FAT3: variants seen among roughly 807,000 people sequenced by gnomAD.
The protein encoded by FAT3 is protocadherin Fat 3.
In FAT3, 95 loss-of-function variants were observed where a neutral mutation model predicts 310.2. That is an observed-to-expected ratio of 0.31 (90% CI 0.26 to 0.36). The LOEUF is 0.36. Among genes scored for constraint, FAT3 ranks in the 10% least tolerant of loss-of-function variants. The pLI is 1.00. For missense variants in FAT3, 5,408 were observed against 5,715.6 expected, an observed-to-expected ratio of 0.95 and a Z score of 1.74; for synonymous variants, 2,314 against 2,192.9, an observed-to-expected ratio of 1.06 and a Z score of -1.54.
At chr11:92,855,974 A>G (rs1034888328) in intron 19 of FAT3, among the ~76,000 whole-genome samples, 1 of 137,280 alleles carries the variant, frequency 7.3e-6, no homozygotes, top group Non-Finnish European at 1.5e-5. Context: ...ACCTTGGGAC[A>G]ATATGCTTTT....
At chr11:92,869,483 AG>A (rs1949333381) in intron 22 of FAT3, among the ~76,000 whole-genome samples, 1 of 152,210 alleles carries the variant, frequency 6.6e-6, no homozygotes, top group Non-Finnish European at 1.5e-5. Flanking sequence ...CTGATGTGTG[AG>A]GGGGTATCTA....
chr11:92,791,481 T>A lies in FAT3; in HGVS notation c.4611+1263T>A, dbSNP rs771951751. ...GTGCTAGTGACTAACTCCATTCTCA[T>A]GATTCTTTAAGTCATTTCTGTTCAT... On this transcript the variant is annotated intron_variant, in intron 8 of 27. Coordinates refer to ENST00000525166, the MANE Select transcript of FAT3 (RefSeq NM_001367949.2). Among the ~76,000 whole-genome samples, 3 of 152,342 alleles carry A rather than the reference T, an allele frequency of 2.0e-5. No homozygotes were observed. In the South Asian group the frequency reaches 6.2e-4, roughly 32 times the overall value.
chr11:92,350,589 G>A (rs1159535287), intron 1 of FAT3, among the ~76,000 whole-genome samples: 1 of 152,018 alleles, frequency 6.6e-6, no homozygotes, highest in African/African-American at 2.4e-5. Context: ...GAAAAGCATG[G>A]ATTTTAGAGA....
chr11:92,732,357 A>T (rs1217213197), intron 4 of FAT3, among the ~76,000 whole-genome samples: 3 of 152,192 alleles, frequency 2.0e-5, no homozygotes, highest in Non-Finnish European at 4.4e-5. Context: ...TGAGGTTTGA[A>T]CAGGCATTTT....
intron 3 of FAT3, among the ~76,000 whole-genome samples, chr11:92,644,228 C>T (rs1205958395): frequency 6.6e-6 from 1 of 152,212 alleles, no homozygotes; most frequent in Non-Finnish European, 1.5e-5. Context: ...CTCCCTAGTG[C>T]CAAGTACCCT....
At chr11:92,566,475 A>G (rs1955450157) in intron 3 of FAT3, among the ~76,000 whole-genome samples, 1 of 152,034 alleles carries the variant, frequency 6.6e-6, no homozygotes, top group African/African-American at 2.4e-5. Flanking sequence ...GGTAATTTAT[A>G]GATTCAATGC....
chr11:92,827,054 C>G (rs930797949), intron 13 of FAT3, among the ~76,000 whole-genome samples: 10 of 152,192 alleles, frequency 6.6e-5, no homozygotes, highest in African/African-American at 2.2e-4. Flanking sequence ...ACACCTTTAG[C>G]AATCTCAGAT....
intron 2 of FAT3, among the ~76,000 whole-genome samples, chr11:92,391,174 G>T (rs1044177546): frequency 5.3e-5 from 8 of 152,148 alleles, no homozygotes; most frequent in African/African-American, 1.9e-4. Flanking sequence ...AGACAAAATT[G>T]TGTGCTTGTT....
At chr11:92,581,317 C>G (rs1938785840) in intron 3 of FAT3, among the ~76,000 whole-genome samples, 1 of 152,022 alleles carries the variant, frequency 6.6e-6, no homozygotes, top group South Asian at 2.1e-4. Context: ...TCTGCCATGT[C>G]CTGTCCAACG....
Position 92,844,656 on chromosome 11 carries a change from G to A in FAT3, c.11289G>A (p.Ala3763=), listed in dbSNP as rs373765265. 6.2e-6 allele frequency: 10 copies of A among 1,607,796 alleles called. No individual in the cohort carries two copies. Among genetic ancestry groups the A allele is most frequent in the Admixed American group, 3.4e-5 (2 of 59,228 alleles). Residue 3763 remains alanine, a synonymous_variant, in exon 19 of 28, where the codon GCG becomes GCA. Coordinates refer to ENST00000525166, the MANE Select transcript of FAT3 (RefSeq NM_001367949.2). ...AAGGCTTGTCACTCGATTCCCACGC[G>A]CTCATGACCTACAGCACGGCTCGCA... The part of the protein sequence containing the change: ...CEQGLSLDSH[A]LMTYSTARIS...
Position 92,353,326 on chromosome 11 carries a change from T to A in FAT3, c.1214T>A (p.Ile405Lys), listed in dbSNP as rs756653928. 3.7e-6 allele frequency: 6 copies of A among 1,613,564 alleles called. No individual in the cohort carries two copies. In the South Asian group the frequency reaches 6.6e-5, roughly 18 times the overall value. ...VAIVKLSPEPIDVEYKLSPGE... is the reference protein window; with the variant it reads ...VAIVKLSPEPKDVEYKLSPGE... ...ATAGTAAAATTAAGTCCTGAACCGA[T>A]AGATGTGGAATACAAATTATCTCCT... The change falls in exon 2 of 28, where the codon ATA becomes AAA. Residue 405 changes from isoleucine to lysine, a missense_variant. This residue lies in a region of FAT3 where 4,588 missense variants were observed against 4,809.8 expected (regional missense o/e 0.95). Transcript: ENST00000525166.
At chr11:92,705,580 G>C (rs1308895186) in intron 4 of FAT3, among the ~76,000 whole-genome samples, 2 of 48,874 alleles carry the variant, frequency 4.1e-5, no homozygotes, top group Non-Finnish European at 4.0e-5. Flanking sequence ...TGGTGGTGAT[G>C]GTGGTGGTGT....
intron 2 of FAT3, among the ~76,000 whole-genome samples, chr11:92,440,875 G>A (rs1190073113): frequency 1.3e-5 from 2 of 152,186 alleles, no homozygotes; most frequent in African/African-American, 4.8e-5. Flanking sequence ...TTCTGGCTAT[G>A]CTATTCACTA....
At chr11:92,585,809 C>T (rs1188852898) in intron 3 of FAT3, among the ~76,000 whole-genome samples, 2 of 139,008 alleles carry the variant, frequency 1.4e-5, no homozygotes, top group Non-Finnish European at 3.1e-5. Context: ...TCTCCTCCTC[C>T]TCCTTTGTTT....
chr11:92,383,348 A>G (rs1441891286), intron 2 of FAT3, among the ~76,000 whole-genome samples: 1 of 152,248 alleles, frequency 6.6e-6, no homozygotes, highest in African/African-American at 2.4e-5. Flanking sequence ...CTTTGGGTAT[A>G]TACCCAGTAA....
chr11:92,378,532 T>C (rs1457276148), intron 2 of FAT3, among the ~76,000 whole-genome samples: 1 of 152,192 alleles, frequency 6.6e-6, no homozygotes, highest in Non-Finnish European at 1.5e-5. Flanking sequence ...AGGCATTATA[T>C]ACTATTTTAA....
At chr11:92,227,756 T>C (rs966632685) in intron 1 of FAT3, among the ~76,000 whole-genome samples, 11 of 150,262 alleles carry the variant, frequency 7.3e-5, no homozygotes, top group South Asian at 2.1e-4. Context: ...CTTCTTCTTT[T>C]TTTTTTTTTT....
chr11:92,350,103 G>A (rs1948524841), intron 1 of FAT3, among the ~76,000 whole-genome samples: 1 of 151,930 alleles, frequency 6.6e-6, no homozygotes, highest in African/African-American at 2.4e-5. Flanking sequence ...TGACTATGTG[G>A]GTTAAAAGGT....
At chr11:92,581,805 A>C (rs892902428) in intron 3 of FAT3, among the ~76,000 whole-genome samples, 1 of 152,058 alleles carries the variant, frequency 6.6e-6, no homozygotes, top group Non-Finnish European at 1.5e-5. Flanking sequence ...TAAATTATTT[A>C]ACCTACATAA....
Sources: gnomAD v4.1 joint callset for allele counts (sites outside exome capture counted in the v4.1 genomes callset) on GRCh38, gnomAD v4.1.1 for gene constraint, gnomAD v4.1.1 regional missense constraint, MANE v1.5 for transcripts, NCBI Gene and HGNC (gene_info 2026-07-23, HGNC 2026-07-21) for gene names.